The following ST7L variants were observed in gnomAD, a reference collection of about 807,000 sequenced individuals.
ST7L encodes the protein suppressor of tumorigenicity 7 protein-like.
A neutral mutation model predicts 72.5 loss-of-function variants in ST7L; 57 were observed. The ratio of observed to expected loss-of-function variants is 0.79; its 90% CI spans 0.64 to 0.98. The LOEUF (loss-of-function observed/expected upper bound fraction) is 0.98, where lower values mean the gene tolerates loss of function less well. Ranked by LOEUF, ST7L falls within the 50% of genes least tolerant of loss-of-function variation. ST7L has a pLI of 0.00. For missense variants in ST7L, 576 were observed against 672.2 expected, an observed-to-expected ratio of 0.86 and a Z score of 1.58; for synonymous variants, 221 against 240.9, an observed-to-expected ratio of 0.92 and a Z score of 0.77.
intron 14 of ST7L, chr1:112,540,018 T>G: frequency 1.0e-6 from 1 of 985,442 alleles, no homozygotes; most frequent in South Asian, 4.7e-5. Context: ...TTATTCATTC[T>G]CAGTCTCTAC....
Position 112,525,975 on chromosome 1 carries a change from T to G in ST7L, c.*38A>C. The G allele has an allele frequency of 2.5e-6, 4 of 1,611,970 alleles. No individual in the cohort carries two copies. Among genetic ancestry groups the G allele is most frequent in the Non-Finnish European group, 3.4e-6 (4 of 1,178,488 alleles). On this transcript the variant is annotated 3_prime_UTR_variant, in exon 15 of 15. Coordinates refer to ENST00000358039, the MANE Select transcript of ST7L (RefSeq NM_017744.5). ...CTTTACAGATGCTGTTCAGAAAAAT[T>G]TGGTGATTTGTCCAAGGTCACATGA...
chr1:112,597,955 C>T lies in ST7L; in HGVS notation c.622+16G>A. On this transcript the variant is annotated intron_variant, in intron 5 of 14. Coordinates refer to ENST00000358039, the MANE Select transcript of ST7L (RefSeq NM_017744.5). ...TCATGATCACTGTTTATACTATGAA[C>T]AGATATGATACATACCTGTGTCTGA... 2 of 1,578,858 alleles carry T rather than the reference C, an allele frequency of 1.3e-6. No homozygotes were observed. The highest frequency in any genetic ancestry group is 1.7e-6 in the Non-Finnish European group (2 of 1,153,532).
At chr1:112,568,537 G>T (rs368009648) in intron 11 of ST7L, among the ~76,000 whole-genome samples, 4 of 150,732 alleles carry the variant, frequency 2.7e-5, no homozygotes, top group Non-Finnish European at 1.5e-5. Flanking sequence ...GAGTTTCACC[G>T]TGTTAGCCAG....
At chr1:112,583,243 G>A (rs1022085345) in intron 7 of ST7L, among the ~76,000 whole-genome samples, 1 of 152,234 alleles carries the variant, frequency 6.6e-6, no homozygotes, top group African/African-American at 2.4e-5. Flanking sequence ...AGTAGATAAT[G>A]CATTATATAA....
In ST7L at chr1:112,612,026, T is replaced by C. The variant is rs563426415; in HGVS notation, c.289-1023A>G. 2.0e-5 allele frequency among the ~76,000 whole-genome samples: 3 copies of C among 150,898 alleles called. No individual in the cohort carries two copies. In the South Asian group the frequency reaches 6.3e-4, roughly 32 times the overall value. Reference sequence around the variant, plus strand: ...TGACAGACTAGTCTTCTGCCAAATGTAGTGGATACATGTATTACTTTAAAG... The same window carrying C: ...TGACAGACTAGTCTTCTGCCAAATGCAGTGGATACATGTATTACTTTAAAG... On this transcript the variant is annotated intron_variant, in intron 2 of 14. Transcript: ENST00000358039.
chr1:112,559,608 G>C (rs760870100), intron 11 of ST7L, among the ~76,000 whole-genome samples: 1 of 152,108 alleles, frequency 6.6e-6, no homozygotes, highest in African/African-American at 2.4e-5. Context: ...AATTCAGGTG[G>C]TAAACACACA....
intron 14 of ST7L, chr1:112,528,325 T>C (rs1395515670): frequency 5.9e-5 from 9 of 152,110 alleles, no homozygotes; most frequent in Admixed American, 5.9e-4. Context: ...TACAGAGAAA[T>C]TAGAATGCTG....
At chr1:112,608,947 G>C (rs1428277396) in intron 3 of ST7L, among the ~76,000 whole-genome samples, 1 of 152,068 alleles carries the variant, frequency 6.6e-6, no homozygotes, top group Admixed American at 6.6e-5. Context: ...GAACAAATGA[G>C]GCATTTGGAA....
intron 11 of ST7L, among the ~76,000 whole-genome samples, chr1:112,562,986 G>T (rs1238945716): frequency 6.6e-6 from 1 of 152,060 alleles, no homozygotes; most frequent in Admixed American, 6.6e-5. Context: ...ATACCAAACA[G>T]TAACAGGTGG....
intron 13 of ST7L, among the ~76,000 whole-genome samples, chr1:112,548,898 C>T (rs770248586): frequency 4.6e-5 from 7 of 152,166 alleles, no homozygotes; most frequent in East Asian, 3.8e-4. Flanking sequence ...TTCCGGTTCT[C>T]CTTCTAGTTC....
At chr1:112,570,564 TATATATAC>T (rs984781232) in intron 11 of ST7L, among the ~76,000 whole-genome samples, 9 of 130,630 alleles carry the variant, frequency 6.9e-5, no homozygotes, top group Non-Finnish European at 8.1e-5. Flanking sequence ...TATATATATA[TATATATAC>T]ACACACACAT....
chr1:112,606,248 C>T (rs542892731), intron 3 of ST7L, among the ~76,000 whole-genome samples: 1 of 152,254 alleles, frequency 6.6e-6, no homozygotes, highest in South Asian at 2.1e-4. Flanking sequence ...GTTGTGGTTC[C>T]TTTTTGCTTA....
chr1:112,539,947 A>G (rs969364745), intron 14 of ST7L: 32 of 985,302 alleles, frequency 3.2e-5, no homozygotes, highest in Admixed American at 6.2e-5. Flanking sequence ...TCCATCAACT[A>G]GAAAAGCAGT....
chr1:112,527,463 G>T (rs918047129), intron 14 of ST7L: 5 of 152,724 alleles, frequency 3.3e-5, no homozygotes, highest in African/African-American at 1.2e-4. Flanking sequence ...CTCCTGCATA[G>T]CAGCACAGCC....
intron 12 of ST7L, among the ~76,000 whole-genome samples, chr1:112,552,531 A>G (rs1248656574): frequency 6.6e-6 from 1 of 152,014 alleles, no homozygotes; most frequent in Non-Finnish European, 1.5e-5. Context: ...CAGCCTCCCA[A>G]GTAGCTGGGA....
chr1:112,542,132 A>T, intron 13 of ST7L, 42 bp from the exon 14 acceptor site: 1 of 1,509,836 alleles, frequency 6.6e-7, no homozygotes, highest in Non-Finnish European at 8.9e-7. Context: ...ATTTCAGAAT[A>T]ACATGTAAAC....
chr1:112,574,604 A>G (rs1032335040), intron 11 of ST7L, among the ~76,000 whole-genome samples: 6 of 151,312 alleles, frequency 4.0e-5, no homozygotes, highest in African/African-American at 1.5e-4. Context: ...GCTTGCAGTG[A>G]GCCTAGATCA....
intron 14 of ST7L, 69 bp from the exon 15 acceptor site, chr1:112,526,180 T>C (rs1653347861): frequency 6.2e-7 from 1 of 1,602,594 alleles, no homozygotes; most frequent in African/African-American, 1.3e-5. Flanking sequence ...AGAGAGTATA[T>C]CTGAGCACAG....
intron 12 of ST7L, among the ~76,000 whole-genome samples, chr1:112,551,316 T>G (rs1019470998): frequency 6.6e-6 from 1 of 151,822 alleles, no homozygotes; most frequent in Admixed American, 6.6e-5. Context: ...ACCTGGCTAA[T>G]TTTTTGTATT....
Sources: allele counts gnomAD v4.1 joint callset (sites outside exome capture counted in the v4.1 genomes callset), GRCh38; gene constraint gnomAD v4.1.1; transcripts MANE v1.5; gene names NCBI Gene and HGNC (gene_info 2026-07-23, HGNC 2026-07-21).